LSAMP: variants seen among roughly 807,000 people sequenced by gnomAD.
The protein encoded by LSAMP is limbic system associated membrane protein, also known as limbic system-associated membrane protein.
In LSAMP, 7 loss-of-function variants were observed where a neutral mutation model predicts 38.6. That is an observed-to-expected ratio of 0.18 (90% confidence interval 0.10 to 0.34). LSAMP has a LOEUF of 0.34. LSAMP is among the 10% of genes least tolerant of loss of function. LSAMP has a pLI of 1.00. For missense variants in LSAMP, 313 were observed against 420.0 expected (o/e 0.75, Z 2.23); for synonymous variants, 154 against 166.8 (o/e 0.92, Z 0.59).
chr3:116,266,711 A>G (rs2046896413), intron 1 of LSAMP, among the ~76,000 whole-genome samples: 1 of 152,132 alleles, frequency 6.6e-6, no homozygotes, highest in Non-Finnish European at 1.5e-5. Context: ...AACAGAGGCA[A>G]GGGCAAGCAC....
chr3:115,834,041 GA>G (rs909185694), intron 6 of LSAMP, among the ~76,000 whole-genome samples: 19 of 148,852 alleles, frequency 1.3e-4, no homozygotes, highest in African/African-American at 4.2e-4. Context: ...TAAAAGGAAA[GA>G]AAAAAAAACC....
chr3:115,886,732 A>G (rs1936463857), intron 3 of LSAMP, among the ~76,000 whole-genome samples: 1 of 151,964 alleles, frequency 6.6e-6, no homozygotes, highest in African/African-American at 2.4e-5. Context: ...CTGCATTTCC[A>G]CAAACCCACT....
intron 1 of LSAMP, among the ~76,000 whole-genome samples, chr3:116,311,269 C>T (rs1222974816): frequency 2.0e-5 from 3 of 152,104 alleles, no homozygotes; most frequent in African/African-American, 7.2e-5. Context: ...ATATTAAAGT[C>T]AGTAGTTTCA....
At chr3:116,412,052 A>AT (rs1270605561) in intron 1 of LSAMP, among the ~76,000 whole-genome samples, 1 of 152,042 alleles carries the variant, frequency 6.6e-6, no homozygotes, top group Non-Finnish European at 1.5e-5. Flanking sequence ...AACTGTTCTT[A>AT]TTAAATACCT....
At chr3:115,926,462 T>G (rs1254936179) in intron 3 of LSAMP, among the ~76,000 whole-genome samples, 1 of 152,220 alleles carries the variant, frequency 6.6e-6, no homozygotes, top group Non-Finnish European at 1.5e-5. Context: ...TAAAGTGTCA[T>G]GAGAACAGAT....
At chr3:116,426,963 A>G (rs1279325504) in intron 1 of LSAMP, among the ~76,000 whole-genome samples, 1 of 151,772 alleles carries the variant, frequency 6.6e-6, no homozygotes, top group African/African-American at 2.4e-5. Context: ...TTCTGGTAGC[A>G]TACAACCTGA....
chr3:115,961,857 T>G (rs1033803501), intron 3 of LSAMP, among the ~76,000 whole-genome samples: 5 of 152,214 alleles, frequency 3.3e-5, no homozygotes, highest in Non-Finnish European at 7.3e-5. Context: ...AGAGGGTCCT[T>G]CAGAACCTTT....
At chr3:116,186,611 G>A (rs1007678742) in intron 1 of LSAMP, among the ~76,000 whole-genome samples, 19 of 152,122 alleles carry the variant, frequency 1.2e-4, no homozygotes, top group Non-Finnish European at 4.4e-5. Flanking sequence ...ATTCCCTCAT[G>A]TTATACAGAG....
intron 3 of LSAMP, among the ~76,000 whole-genome samples, chr3:115,954,708 G>C (rs1451775480): frequency 6.6e-6 from 1 of 152,170 alleles, no homozygotes; most frequent in Non-Finnish European, 1.5e-5. Context: ...TCTCTCTCTA[G>C]AGCCCAGCAT....
chr3:116,113,193 T>A (rs2107473878), intron 1 of LSAMP, among the ~76,000 whole-genome samples: 1 of 151,360 alleles, frequency 6.6e-6, no homozygotes, highest in African/African-American at 2.4e-5. Flanking sequence ...CCAAAGAAAA[T>A]TCTCTAATAG....
intron 1 of LSAMP, among the ~76,000 whole-genome samples, chr3:116,168,463 T>C (rs1360419881): frequency 6.6e-6 from 1 of 152,234 alleles, no homozygotes; most frequent in Non-Finnish European, 1.5e-5. Flanking sequence ...TAGAAATTCA[T>C]CCCAGAGATA....
intron 1 of LSAMP, among the ~76,000 whole-genome samples, chr3:116,208,451 C>T (rs1369445977): frequency 6.6e-6 from 1 of 152,218 alleles, no homozygotes; most frequent in Non-Finnish European, 1.5e-5. Context: ...TGAGGAACTG[C>T]ATTCCTTTGG....
intron 1 of LSAMP, among the ~76,000 whole-genome samples, chr3:116,103,652 T>C (rs1450630430): frequency 1.3e-5 from 2 of 151,562 alleles, no homozygotes; most frequent in African/African-American, 2.4e-5. Flanking sequence ...TTTGCTCTTA[T>C]GCAGTGTGAG....
intron 4 of LSAMP, among the ~76,000 whole-genome samples, chr3:115,848,158 T>G (rs964661084): frequency 4.6e-5 from 7 of 152,248 alleles, no homozygotes; most frequent in Non-Finnish European, 1.0e-4. Context: ...CTGGCCAGTC[T>G]GGTTCCATAT....
At chr3:116,115,208 C>T (rs1439296270) in intron 1 of LSAMP, among the ~76,000 whole-genome samples, 1 of 152,190 alleles carries the variant, frequency 6.6e-6, no homozygotes, top group East Asian at 1.9e-4. Flanking sequence ...GACAGCAAAG[C>T]TGAAAGGGGC....
chr3:116,212,768 C>T (rs1051104728), intron 1 of LSAMP, among the ~76,000 whole-genome samples: 16 of 152,078 alleles, frequency 1.1e-4, no homozygotes, highest in Non-Finnish European at 1.9e-4. Context: ...AGTATAATAA[C>T]ATAGGGTTAC....
At chr3:116,130,987 CTTTTTTTT>C (rs148232332) in intron 1 of LSAMP, among the ~76,000 whole-genome samples, 1 of 112,654 alleles carries the variant, frequency 8.9e-6, no homozygotes, top group African/African-American at 3.8e-5. Flanking sequence ...AGGTTCCACA[CTTTTTTTT>C]TTTTTTTTTT....
intron 1 of LSAMP, among the ~76,000 whole-genome samples, chr3:116,163,866 TA>T (rs549315827): frequency 6.6e-6 from 1 of 151,912 alleles, no homozygotes; most frequent in South Asian, 2.1e-4. Flanking sequence ...GATTTTTCCT[TA>T]AAAAAACACA....
chr3:116,358,023 C>T (rs2048249326), intron 1 of LSAMP, among the ~76,000 whole-genome samples: 1 of 151,902 alleles, frequency 6.6e-6, no homozygotes, highest in African/African-American at 2.4e-5. Context: ...TTTGGGTTTC[C>T]TCCTTATGAT....
Sources: allele counts gnomAD v4.1 joint callset (sites outside exome capture counted in the v4.1 genomes callset), GRCh38; gene constraint gnomAD v4.1.1; transcripts MANE v1.5; gene names NCBI Gene and HGNC (gene_info 2026-07-23, HGNC 2026-07-21).